CDK5RAP2: variants seen among roughly 807,000 people sequenced by gnomAD.
CDK5RAP2 encodes the protein CDK5 regulatory subunit associated protein 2.
Under a neutral mutation model 232.9 loss-of-function variants are expected in CDK5RAP2, and 147 were observed. That is an observed-to-expected ratio of 0.63 (90% confidence interval 0.55 to 0.72). The LOEUF is 0.72. Ranked by LOEUF, CDK5RAP2 falls within the 30% of genes least tolerant of loss-of-function variation. The pLI is 0.00. For synonymous variants in CDK5RAP2, 833 were observed against 833.7 expected (o/e 1.00, Z 0.01); for missense variants, 2,195 against 2,231.5 (o/e 0.98, Z 0.33).
At chr9:120,574,031 A>G (rs756756622) in intron 1 of CDK5RAP2, among the ~76,000 whole-genome samples, 1 of 152,206 alleles carries the variant, frequency 6.6e-6, no homozygotes, top group Non-Finnish European at 1.5e-5. Flanking sequence ...AAAACTGCCC[A>G]TGAATAACTC....
rs78835673 is a variant in CDK5RAP2 at position 120,408,227 on chromosome 9, C to T, written c.4726+120G>A. Reference sequence around the variant, plus strand: ...AAGAGCTAGCTTCAACACCCATCCACTCTACCCACAAGGCCAGAGTGGAGA... The same window carrying T: ...AAGAGCTAGCTTCAACACCCATCCATTCTACCCACAAGGCCAGAGTGGAGA... On this transcript the variant is annotated intron_variant, in intron 31 of 37. Coordinates refer to ENST00000349780, the MANE Select transcript of CDK5RAP2 (RefSeq NM_018249.6). The T allele has an allele frequency of 4.7e-3, 5,473 of 1,172,232 alleles. 194 individuals are homozygous for T. In the African/African-American group the frequency reaches 0.074, roughly 16 times the overall value. The allele number at this position is 1,172,232 out of a possible 1,614,324, so 72.6% of individuals were successfully genotyped here. A position where few individuals can be genotyped will look rare whatever the true frequency, so the allele number is the denominator to read the frequency against.
At chr9:120,507,240 A>T (rs1285720666) in intron 12 of CDK5RAP2, among the ~76,000 whole-genome samples, 1 of 152,220 alleles carries the variant, frequency 6.6e-6, no homozygotes, top group Non-Finnish European at 1.5e-5. Context: ...TAGTGTTAAC[A>T]TAACTTTTAT....
At position 120,403,317 on chromosome 9, in the gene CDK5RAP2, C is replaced by T. The variant is rs556308102; in HGVS notation, c.5042-246G>A. 1.2e-5 allele frequency: 6 copies of T among 512,812 alleles called. No individual in the cohort carries two copies. Among genetic ancestry groups the T allele is most frequent in the East Asian group, 1.1e-4 (3 of 27,944 alleles). 31.8% of individuals were successfully genotyped at this position (512,812 alleles called of 1,614,324 possible). Reference sequence around the variant, plus strand: ...AACCAACACTTATCAACCACCCACTCGGCAGAAGACCCCAGATTCACAAGG... The same window carrying T: ...AACCAACACTTATCAACCACCCACTTGGCAGAAGACCCCAGATTCACAAGG... On this transcript the variant is annotated intron_variant, in intron 33 of 37. Coordinates refer to ENST00000349780, the MANE Select transcript of CDK5RAP2 (RefSeq NM_018249.6). The surrounding 1 kb of genome is among the most constrained non-coding windows in gnomAD (Gnocchi z 4.2).
chr9:120,567,286 T>C (rs531249098), intron 3 of CDK5RAP2, among the ~76,000 whole-genome samples: 7 of 152,356 alleles, frequency 4.6e-5, no homozygotes, highest in Admixed American at 6.5e-5. Flanking sequence ...ATTTCTTCAA[T>C]TGGTCACTGG....
rs138012942 is a variant in CDK5RAP2, at chr9:120,486,641, CAACA to C, written c.1626+649_1626+652del. On this transcript the variant is annotated intron_variant, in intron 14 of 37. Coordinates refer to ENST00000349780, the MANE Select transcript of CDK5RAP2 (RefSeq NM_018249.6). Reference sequence around the variant, plus strand: ...AGCGGAAAGGTGGATCGTGTAACTCCAACAAACAGAGTAAGTGCCATGATAGAGG... The same window carrying C: ...AGCGGAAAGGTGGATCGTGTAACTCCAACAGAGTAAGTGCCATGATAGAGG... Among the ~76,000 whole-genome samples, 281 of 152,148 alleles carry C rather than the reference CAACA, an allele frequency of 1.8e-3. 1 individual carries two copies. Among genetic ancestry groups the C allele is most frequent in the African/African-American group, 6.6e-3 (274 of 41,498 alleles).
chr9:120,502,352 T>G (rs1377508798), intron 12 of CDK5RAP2, among the ~76,000 whole-genome samples: 3 of 152,174 alleles, frequency 2.0e-5, no homozygotes, highest in Non-Finnish European at 4.4e-5. Flanking sequence ...TGCACAGTAA[T>G]TACAGGTCCA....
chr9:120,522,775 TCA>T (rs1415442106), intron 11 of CDK5RAP2, among the ~76,000 whole-genome samples: 21 of 152,244 alleles, frequency 1.4e-4, no homozygotes, highest in Non-Finnish European at 2.9e-4. Context: ...TGCTGTTGCT[TCA>T]GTGTCAGGCT....
intron 34 of CDK5RAP2, among the ~76,000 whole-genome samples, chr9:120,401,810 C>G (rs1018325393): frequency 6.6e-6 from 1 of 151,848 alleles, no homozygotes; most frequent in African/African-American, 2.4e-5. Context: ...ATGGTGAAAC[C>G]CCGTCTCTAC....
intron 9 of CDK5RAP2, among the ~76,000 whole-genome samples, chr9:120,528,290 T>C (rs921242127): frequency 5.5e-5 from 8 of 144,838 alleles, no homozygotes; most frequent in Middle Eastern, 3.4e-3. Flanking sequence ...TCATGGAGAC[T>C]GAACTATACA....
chr9:120,563,342 T>C (rs4837781), intron 3 of CDK5RAP2, among the ~76,000 whole-genome samples: 148,999 of 152,276 alleles, frequency 0.98, 72,960 homozygotes, highest in East Asian at 1. Flanking sequence ...CAGGAAGCTG[T>C]CGATCACACA....
At chr9:120,431,262 T>TAAG (rs2035271307) in intron 25 of CDK5RAP2, among the ~76,000 whole-genome samples, 1 of 152,110 alleles carries the variant, frequency 6.6e-6, no homozygotes, top group Non-Finnish European at 1.5e-5. Flanking sequence ...TAAAGTATAA[T>TAAG]AATAAGAAGA....
rs73660258 is a variant in CDK5RAP2, at chr9:120,470,891, C to A, written c.1859-671G>T. 5.1e-3 allele frequency among the ~76,000 whole-genome samples: 770 copies of A among 152,246 alleles called. 9 individuals carry two copies. The highest frequency in any genetic ancestry group is 0.018 in the African/African-American group (739 of 41,534). Reference sequence around the variant, plus strand: ...CTCATTTAACACACACGTGTAAGAGCTGATACATCTAAAATACAGTGCAGA... The same window carrying A: ...CTCATTTAACACACACGTGTAAGAGATGATACATCTAAAATACAGTGCAGA... On this transcript the variant is annotated intron_variant, in intron 16 of 37. Coordinates refer to ENST00000349780, the MANE Select transcript of CDK5RAP2 (RefSeq NM_018249.6).
intron 2 of CDK5RAP2, among the ~76,000 whole-genome samples, chr9:120,570,775 G>T (rs1420242831): frequency 1.3e-5 from 2 of 151,858 alleles, no homozygotes; most frequent in African/African-American, 2.4e-5. Flanking sequence ...CGAGGCGGAG[G>T]TTGCAGTGAG....
intron 2 of CDK5RAP2, among the ~76,000 whole-genome samples, chr9:120,569,688 C>G (rs1214173099): frequency 6.6e-6 from 1 of 152,112 alleles, no homozygotes; most frequent in East Asian, 1.9e-4. Flanking sequence ...TTTTTAGGCT[C>G]TTCTAAGGAC....
intron 9 of CDK5RAP2, 88 bp downstream of exon 9, chr9:120,528,654 GAC>G: frequency 1.2e-6 from 1 of 820,860 alleles, no homozygotes; most frequent in Middle Eastern, 3.1e-4. Flanking sequence ...CAGCTACTGT[GAC>G]ACAGAATTAT....
At chr9:120,527,345 A>G (rs570834744) in intron 10 of CDK5RAP2, among the ~76,000 whole-genome samples, 2 of 152,280 alleles carry the variant, frequency 1.3e-5, no homozygotes, top group Admixed American at 1.3e-4. Context: ...TGCATTGTCC[A>G]ATGCGGCAGT....
chr9:120,540,233 T>G (rs1008483915), intron 5 of CDK5RAP2, among the ~76,000 whole-genome samples: 2 of 152,200 alleles, frequency 1.3e-5, no homozygotes, highest in Non-Finnish European at 2.9e-5. Flanking sequence ...GTATGAGCAG[T>G]CCTCGTCAGA....
chr9:120,451,731 C>T (rs1211021042), intron 21 of CDK5RAP2, among the ~76,000 whole-genome samples: 2 of 152,014 alleles, frequency 1.3e-5, no homozygotes, highest in Admixed American at 6.6e-5. Flanking sequence ...TGTCACTCCA[C>T]TTACCAGCTA....
intron 1 of CDK5RAP2, among the ~76,000 whole-genome samples, chr9:120,578,126 G>T (rs762837374): frequency 6.6e-6 from 1 of 152,056 alleles, no homozygotes; most frequent in Non-Finnish European, 1.5e-5. Context: ...AATTAGCCAC[G>T]CACGGTGGTG....
Sources: allele counts gnomAD v4.1 joint callset (sites outside exome capture counted in the v4.1 genomes callset), GRCh38; gene constraint gnomAD v4.1.1; non-coding constraint Gnocchi (gnomAD v3.1); transcripts MANE v1.5; gene names NCBI Gene and HGNC (gene_info 2026-07-23, HGNC 2026-07-21).